Variants in KDM6B observed in about 807,000 individuals in gnomAD.
KDM6B encodes the protein lysine-specific demethylase 6B.
In KDM6B, 22 loss-of-function variants were observed where a neutral mutation model predicts 150.4. The observed-to-expected ratio is 0.15, with a 90% CI of 0.10 to 0.21. The LOEUF (loss-of-function observed/expected upper bound fraction) is 0.21. Ranked by LOEUF, KDM6B falls within the 10% of genes least tolerant of loss-of-function variation. The pLI, the probability that KDM6B is intolerant of heterozygous loss-of-function variation, is 1.00. For missense variants in KDM6B, 1,984 were observed against 2,234.3 expected (o/e 0.89, Z 2.26); for synonymous variants, 1,148 against 921.1 (o/e 1.25, Z -4.46).
chr17:7,838,922 C>G (rs1024324353), intron 1 of KDM6B, among the ~76,000 whole-genome samples: 2 of 152,092 alleles, frequency 1.3e-5, no homozygotes, highest in Admixed American at 6.6e-5. Context: ...GCAGTGTCAT[C>G]AGCAGCCACA....
intron 14 of KDM6B, 98 bp downstream of exon 14, chr17:7,850,275 G>GACT: frequency 1.1e-6 from 1 of 939,708 alleles, no homozygotes; most frequent in Non-Finnish European, 1.6e-6. Flanking sequence ...CATGACAGTG[G>GACT]CCGTGAGGAG....
chr17:7,847,486 G>A (rs2078579162), intron 11 of KDM6B, 34 bp downstream of exon 11: 1 of 1,613,470 alleles, frequency 6.2e-7, no homozygotes, highest in Non-Finnish European at 8.5e-7. Flanking sequence ...GGGGGGATGG[G>A]TGGAGCTTGT....
rs368583231 is a variant in KDM6B at position 7,846,814 on chromosome 17, C to T, written c.712-5C>T. ...ATGGGATTCTCACACTCTCTTCTCT[C>T]CTAGACTGGCCTTCCCCCAGGGCTG... On this transcript the variant is annotated splice_polypyrimidine_tract_variant and splice_region_variant and intron_variant, in intron 9 of 23. Coordinates refer to ENST00000448097, the MANE Select transcript of KDM6B (RefSeq NM_001348716.2). 35 of 1,613,314 alleles carry T rather than the reference C, an allele frequency of 2.2e-5. No homozygotes were observed. Among genetic ancestry groups the T allele is most frequent in the Non-Finnish European group, 2.9e-5 (34 of 1,179,924 alleles).
In KDM6B at chr17:7,853,683, T is replaced by G; in HGVS notation, c.*162T>G. On this transcript the variant is annotated 3_prime_UTR_variant, in exon 24 of 24. Coordinates refer to ENST00000448097, the MANE Select transcript of KDM6B (RefSeq NM_001348716.2). Reference sequence around the variant, plus strand: ...CTCACTTAATTTATTAAGAAAAACTTTTTTTTTTTTTTTAGCAAATATGAG... The same window carrying G: ...CTCACTTAATTTATTAAGAAAAACTGTTTTTTTTTTTTTAGCAAATATGAG... The G allele has an allele frequency of 5.2e-6, 2 of 381,560 alleles. No individual in the cohort carries two copies. The highest frequency in any genetic ancestry group is 1.0e-4 in the Admixed American group (2 of 19,964). The allele number at this position is 381,560 out of a possible 1,614,324, so 23.6% of individuals were successfully genotyped here.
rs1480323634 is a variant in KDM6B, at chr17:7,848,086, G to A, written c.1798G>A (p.Val600Ile). 1.9e-6 allele frequency: 3 copies of A among 1,611,546 alleles called. No individual in the cohort carries two copies. Among genetic ancestry groups the A allele is most frequent in the African/African-American group, 2.7e-5 (2 of 74,340 alleles). The change falls in exon 12 of 24, where the codon GTA (valine) becomes ATA (isoleucine). Residue 600 changes from valine to isoleucine, a missense_variant. Transcript: ENST00000448097. ...PAQNPQDPPL[V>I]PLTLALPPAP... ...ACAGAACCCCCAGGACCCACCTCTT[G>A]TACCCCTGACTCTTGCCCTGCCTCC...
intron 2 of KDM6B, among the ~76,000 whole-genome samples, chr17:7,841,959 C>T (rs2078423538): frequency 6.6e-6 from 1 of 152,194 alleles, no homozygotes; most frequent in Non-Finnish European, 1.5e-5. Context: ...GTGATGAGGA[C>T]GGGCAGGGAG....
intron 15 of KDM6B, 35 bp downstream of exon 15, chr17:7,851,261 G>T (rs1222566798): frequency 6.2e-7 from 1 of 1,613,470 alleles, no homozygotes; most frequent in East Asian, 2.2e-5. Flanking sequence ...CAGGTCCTGG[G>T]ACGGGGCTGC....
At chr17:7,837,051 A>G (rs2151367241) in intron 1 of KDM6B, among the ~76,000 whole-genome samples, 1 of 152,218 alleles carries the variant, frequency 6.6e-6, no homozygotes, top group African/African-American at 2.4e-5. Context: ...GGGGAGGGGC[A>G]CGGGTGTGGT....
intron 16 of KDM6B, 26 bp downstream of exon 16, chr17:7,851,420 T>G: frequency 6.2e-7 from 1 of 1,614,100 alleles, no homozygotes; most frequent in Non-Finnish European, 8.5e-7. Flanking sequence ...GCCCCTTCTG[T>G]TCCTGCTTCC....
Position 7,844,117 on chromosome 17 carries a change from G to A in KDM6B, c.-268-784G>A, listed in dbSNP as rs2078479255. ...TCCGCTGCGCAAGTAGCCACGTCAC[G>A]GGCAACCCCCGAAATCCCCCCTCCC... On this transcript the variant is annotated intron_variant, in intron 2 of 23. Coordinates refer to ENST00000448097, the MANE Select transcript of KDM6B (RefSeq NM_001348716.2). This position sits in a 1 kb window ranked among gnomAD's most constrained non-coding sequence, Gnocchi z 5.9. 2 of 136,930 alleles carry A rather than the reference G, an allele frequency of 1.5e-5. No homozygotes were observed. Among genetic ancestry groups the A allele is most frequent in the South Asian group, 2.7e-4 (1 of 3,752 alleles). The allele number at this position is 136,930 out of a possible 1,614,324, so 8.5% of individuals were successfully genotyped here.
rs2078645152 is a variant in KDM6B, at chr17:7,849,440, C to T, written c.3152C>T (p.Ala1051Val). Residue 1051 changes from alanine (A) to valine (V), a missense_variant, in exon 12 of 24, where the codon GCC becomes GTC. Ala to Val is a moderately conservative substitution (Grantham distance 64). Transcript: ENST00000448097. ...AAGGCCAAGCCACCCACAGCTCCAG[C>T]CCCTCCATCAGCTCCTGCACCTTCT... Reference protein sequence around the residue: ...ASKAKPPTAPAPPSAPAPSAQ... With the variant: ...ASKAKPPTAPVPPSAPAPSAQ... 6.2e-7 allele frequency: 1 copy of T among 1,612,458 alleles called. No individual in the cohort carries two copies. Among genetic ancestry groups the T allele is most frequent in the South Asian group, 1.1e-5 (1 of 91,030 alleles).
intron 1 of KDM6B, among the ~76,000 whole-genome samples, chr17:7,835,170 G>A (rs552528720): frequency 6.6e-6 from 1 of 152,266 alleles, no homozygotes; most frequent in South Asian, 2.1e-4. Flanking sequence ...GCAGGAGGTC[G>A]CAGCGCAGAA....
At position 7,847,611 on chromosome 17, in the gene KDM6B, G is replaced by A. The variant is rs777385911; in HGVS notation, c.1323G>A (p.Ser441=). Residue 441 remains serine, a synonymous_variant, in exon 12 of 24, where the codon TCG becomes TCA. Coordinates refer to ENST00000448097, the MANE Select transcript of KDM6B (RefSeq NM_001348716.2). ...EVSHHGRLGP[S]AHSSRKPFLG... ...CTCACCATGGCCGCCTGGGGCCCTC[G>A]GCACACAGCAGTCGGAAACCGTTCT... 41 of 1,612,278 alleles carry A rather than the reference G, an allele frequency of 2.5e-5. No homozygotes were observed. The Admixed American group carries it at 4.3e-4, about 17-fold the overall frequency.
In KDM6B at chr17:7,847,718, T is replaced by TA; in HGVS notation, c.1431dup (p.Arg478ThrfsTer32). 1 of 1,217,990 alleles carries TA rather than the reference T, an allele frequency of 8.2e-7. No individual in the cohort carries two copies. The highest frequency in any genetic ancestry group is 1.1e-6 in the Non-Finnish European group (1 of 920,600). 75.4% of individuals were successfully genotyped at this position (1,217,990 alleles called of 1,614,324 possible). A position where few individuals can be genotyped will look rare whatever the true frequency, so the allele number is the denominator to read the frequency against. On this transcript the variant is annotated frameshift_variant, in exon 12 of 24. Coordinates refer to ENST00000448097, the MANE Select transcript of KDM6B (RefSeq NM_001348716.2). LOFTEE classifies it high-confidence loss of function. ...CCTCCACCCCCCTGTCCCCGCCTCT[T>TA]ACGCCCCCCACCACCCCCTGCCTGG...
At position 7,845,726 on chromosome 17, in the gene KDM6B, C is replaced by G. The variant is rs140362144; in HGVS notation, c.137+35C>G. 651 of 1,613,726 alleles carry G rather than the reference C, an allele frequency of 4.0e-4. 4 individuals are homozygous for G. The Middle Eastern group carries it at 4.9e-3, about 12-fold the overall frequency. ...TGGGGCCCTCTGTCTCCAGGCACACCTCTTTCCATCTCTGTATCCCTCAAT... is the reference window on the plus strand; with the variant it reads ...TGGGGCCCTCTGTCTCCAGGCACACGTCTTTCCATCTCTGTATCCCTCAAT... On this transcript the variant is annotated intron_variant, in intron 5 of 23. Coordinates refer to ENST00000448097, the MANE Select transcript of KDM6B (RefSeq NM_001348716.2).
intron 14 of KDM6B, among the ~76,000 whole-genome samples, 168 bp from the exon 15 acceptor site, chr17:7,850,853 C>T (rs2078677732): frequency 2.0e-5 from 3 of 152,232 alleles, no homozygotes; most frequent in South Asian, 4.1e-4. Flanking sequence ...CCAGCACTCC[C>T]AGCTTCCTGT....
rs770647580 is a variant in KDM6B at position 7,849,021 on chromosome 17, T to G, written c.2733T>G (p.Ser911=). ...PLSLPPARSE[S]EVLEEISRAC... The stretch of plus-strand genomic sequence containing the variant: ...CTCTGCCCCCTGCTCGCTCTGAGTC[T>G]GAGGTGCTAGAAGAGATCAGCCGGG... Residue 911 remains serine, a synonymous_variant, in exon 12 of 24, where the codon TCT becomes TCG. Coordinates refer to ENST00000448097, the MANE Select transcript of KDM6B (RefSeq NM_001348716.2). The G allele has an allele frequency of 3.2e-6, 5 of 1,558,284 alleles. No individual in the cohort carries two copies. In the African/African-American group the frequency reaches 7.0e-5, roughly 22 times the overall value.
rs1012559584 is a variant in KDM6B, at chr17:7,853,863, GCCGC to G, written c.*354_*357del. On this transcript the variant is annotated 3_prime_UTR_variant, in exon 24 of 24. Coordinates refer to ENST00000448097, the MANE Select transcript of KDM6B (RefSeq NM_001348716.2). ...ACATACGGGTTCCCTCACCCTGCCA[GCCGC>G]CCGCCCGCCCGGCGCAGATGCACGC... 3 of 187,630 alleles carry G rather than the reference GCCGC, an allele frequency of 1.6e-5. No homozygotes were observed. The highest frequency in any genetic ancestry group is 2.2e-5 in the Non-Finnish European group (2 of 92,532). The allele number at this position is 187,630 out of a possible 1,614,324, so 11.6% of individuals were successfully genotyped here. A position where few individuals can be genotyped will look rare whatever the true frequency, so the allele number is the denominator to read the frequency against.
Position 7,849,938 on chromosome 17 carries a change from C to G in KDM6B, c.3558C>G (p.Pro1186=), listed in dbSNP as rs1301091316. The change falls in exon 13 of 24, where the codon CCC becomes CCG. Residue 1186 remains proline, a synonymous_variant. Transcript: ENST00000448097. ...GGGAAAAACTCAACCCCCCTACACCCAGCATCTATGTATGTGTGCCACTTG... is the reference window on the plus strand; with the variant it reads ...GGGAAAAACTCAACCCCCCTACACCGAGCATCTATGTATGTGTGCCACTTG... ...LPREKLNPPT[P]SIYLESKRDA... 1 of 1,613,654 alleles carries G rather than the reference C, an allele frequency of 6.2e-7. No homozygotes were observed. Among genetic ancestry groups the G allele is most frequent in the African/African-American group, 1.3e-5 (1 of 75,064 alleles).
Sources: gnomAD v4.1 joint callset for allele counts (sites outside exome capture counted in the v4.1 genomes callset) on GRCh38, gnomAD v4.1.1 for gene constraint, Gnocchi (gnomAD v3.1) non-coding constraint, MANE v1.5 for transcripts, NCBI Gene and HGNC (gene_info 2026-07-23, HGNC 2026-07-21) for gene names.